The following GPC5 variants were observed in gnomAD, a reference collection of about 807,000 sequenced individuals.
The protein encoded by GPC5 is glypican-5.
GPC5 carries 47 observed loss-of-function variants against 53.9 expected under a neutral mutation model. The ratio of observed to expected loss-of-function variants is 0.87; its 90% CI spans 0.69 to 1.11. The LOEUF (loss-of-function observed/expected upper bound fraction) is 1.11. GPC5 is among the 50% of genes most tolerant of loss of function. GPC5 has a pLI of 0.00. For missense variants in GPC5, 748 were observed against 713.1 expected (o/e 1.05, Z -0.56); for synonymous variants, 286 against 263.3 (o/e 1.09, Z -0.84).
chr13:91,808,797 A>C (rs2038264443), intron 5 of GPC5, among the ~76,000 whole-genome samples: 1 of 152,128 alleles, frequency 6.6e-6, no homozygotes. Flanking sequence ...TGCCACTCAC[A>C]TAGAAGCATT....
intron 1 of GPC5, among the ~76,000 whole-genome samples, chr13:91,435,678 G>A (rs1055077037): frequency 1.3e-5 from 2 of 152,166 alleles, no homozygotes; most frequent in Non-Finnish European, 2.9e-5. Flanking sequence ...CCAAGCTTTG[G>A]TATCAGGATG....
At chr13:92,497,878 A>G (rs1880034813) in intron 7 of GPC5, among the ~76,000 whole-genome samples, 1 of 151,890 alleles carries the variant, frequency 6.6e-6, no homozygotes, top group Admixed American at 6.6e-5. Flanking sequence ...TTCATTCATG[A>G]TTTGTCTCTC....
In GPC5 at chr13:91,842,643, A is replaced by T. The variant is rs1034921004; in HGVS notation, c.1281-65294A>T. ...CATGAACCTGGGAGGCGGAGCTTGC[A>T]GTGAGCCGAGATCGCGCCACTGCAC... On this transcript the variant is annotated intron_variant, in intron 5 of 7. Coordinates refer to ENST00000377067, the MANE Select transcript of GPC5 (RefSeq NM_004466.6). 1.1e-4 allele frequency among the ~76,000 whole-genome samples: 13 copies of T among 117,728 alleles called. No homozygotes were observed. In the Admixed American group the frequency reaches 1.3e-3, roughly 12 times the overall value. The allele number at this position is 117,728 out of a possible 152,430, so 77.2% of individuals were successfully genotyped here.
chr13:92,129,717 A>C (rs1408118928), intron 6 of GPC5, among the ~76,000 whole-genome samples: 5 of 152,216 alleles, frequency 3.3e-5, no homozygotes, highest in Non-Finnish European at 7.4e-5. Context: ...TTTGCTTTTG[A>C]ATAAGTGTGG....
chr13:91,422,009 G>A (rs1015790302), intron 1 of GPC5, among the ~76,000 whole-genome samples: 2 of 152,196 alleles, frequency 1.3e-5, no homozygotes, highest in Admixed American at 1.3e-4. Flanking sequence ...ATGGGATGGA[G>A]CCTTGAAACG....
At position 92,702,861 on chromosome 13, in the gene GPC5, G is replaced by T. The variant is rs143138260; in HGVS notation, c.1562-163421G>T. On this transcript the variant is annotated intron_variant, in intron 7 of 7. Transcript: ENST00000377067. ...CTCCTCCCTCCATGACTTCCCCCTT[G>T]TTCATTTTGCTCCAGCACCACTGGT... 2.0e-3 allele frequency among the ~76,000 whole-genome samples: 311 copies of T among 151,806 alleles called. 1 individual carries two copies. The highest frequency in any genetic ancestry group is 3.2e-3 in the Admixed American group (48 of 15,198).
chr13:91,905,297 A>C (rs537192265), intron 5 of GPC5, among the ~76,000 whole-genome samples: 4 of 151,750 alleles, frequency 2.6e-5, no homozygotes, highest in Non-Finnish European at 4.4e-5. Context: ...TTCTCTCTCT[A>C]TCTCTCTCTA....
At chr13:92,489,876 GA>G (rs5805749) in intron 7 of GPC5, among the ~76,000 whole-genome samples, 24 of 147,866 alleles carry the variant, frequency 1.6e-4, no homozygotes, top group African/African-American at 3.2e-4. Context: ...ATTGCAAACA[GA>G]AAAAAAAAAA....
chr13:92,381,889 T>TTATATATAATCATATATATGA (rs1314033406), intron 7 of GPC5, among the ~76,000 whole-genome samples: 73 of 122,174 alleles, frequency 6.0e-4, no homozygotes, highest in South Asian at 1.4e-3. Context: ...ATTATATATA[T>TTATATATAATCATATATATGA]TATATATAAT....
chr13:92,253,014 C>T (rs2042702707), intron 7 of GPC5, among the ~76,000 whole-genome samples: 1 of 152,014 alleles, frequency 6.6e-6, no homozygotes, highest in Admixed American at 6.6e-5. Flanking sequence ...AGTGGAAATG[C>T]TATGGAAGTT....
chr13:92,523,996 A>AGGGTCTTGCCT (rs1234666513), intron 7 of GPC5, among the ~76,000 whole-genome samples: 1 of 152,100 alleles, frequency 6.6e-6, no homozygotes, highest in Non-Finnish European at 1.5e-5. Context: ...TTGATGATAG[A>AGGGTCTTGCCT]GGGTCTTGCC....
intron 4 of GPC5, among the ~76,000 whole-genome samples, chr13:91,747,132 C>G (rs1236874217): frequency 1.3e-5 from 2 of 152,134 alleles, no homozygotes; most frequent in Non-Finnish European, 2.9e-5. Flanking sequence ...TATTTTACAC[C>G]TTACTAAAAG....
intron 7 of GPC5, among the ~76,000 whole-genome samples, chr13:92,525,013 C>G (rs1881218392): frequency 6.6e-6 from 1 of 151,990 alleles, no homozygotes; most frequent in East Asian, 1.9e-4. Context: ...GGCTTATCAA[C>G]TAAGAAAAAC....
intron 7 of GPC5, among the ~76,000 whole-genome samples, chr13:92,545,288 A>AT (rs942614858): frequency 2.6e-4 from 40 of 152,256 alleles, no homozygotes; most frequent in African/African-American, 9.6e-4. Context: ...CATGGTGTAT[A>AT]TGTGCCACAT....
At chr13:91,437,004 T>G (rs1249279977) in intron 1 of GPC5, among the ~76,000 whole-genome samples, 1 of 152,224 alleles carries the variant, frequency 6.6e-6, no homozygotes, top group Non-Finnish European at 1.5e-5. Flanking sequence ...AGACTGGAAT[T>G]GCAACCCCTG....
At chr13:92,745,910 TTC>T (rs1444231532) in intron 7 of GPC5, among the ~76,000 whole-genome samples, 3 of 152,150 alleles carry the variant, frequency 2.0e-5, no homozygotes, top group Admixed American at 2.0e-4. Flanking sequence ...ACATGATTTA[TTC>T]TTTTTCCTTT....
At chr13:92,528,645 G>A (rs1371540526) in intron 7 of GPC5, among the ~76,000 whole-genome samples, 2 of 151,986 alleles carry the variant, frequency 1.3e-5, no homozygotes, top group Admixed American at 6.6e-5. Flanking sequence ...TTCAATAAAT[G>A]CCTAATAGAT....
chr13:92,677,276 C>T (rs1480039439), intron 7 of GPC5, among the ~76,000 whole-genome samples: 1 of 152,144 alleles, frequency 6.6e-6, no homozygotes, highest in East Asian at 1.9e-4. Flanking sequence ...CTTTTATAAT[C>T]ACATCACTAA....
chr13:91,596,521 T>C (rs1454599981), intron 2 of GPC5, among the ~76,000 whole-genome samples: 1 of 152,238 alleles, frequency 6.6e-6, no homozygotes, highest in East Asian at 1.9e-4. Flanking sequence ...CCTTATTGTT[T>C]GCATGCCTCA....
Sources: allele counts gnomAD v4.1 joint callset (sites outside exome capture counted in the v4.1 genomes callset), GRCh38; gene constraint gnomAD v4.1.1; transcripts MANE v1.5; gene names NCBI Gene and HGNC (gene_info 2026-07-23, HGNC 2026-07-21).